ENTR1: variants seen among roughly 807,000 people sequenced by gnomAD.
The protein encoded by ENTR1 is endosome associated trafficking regulator 1.
In ENTR1, 47 loss-of-function variants were observed where a neutral mutation model predicts 47.9. The ratio of observed to expected loss-of-function variants is 0.98; its 90% CI spans 0.78 to 1.25. ENTR1 has a LOEUF of 1.25. Among genes scored for constraint, ENTR1 ranks in the 50% most tolerant of loss-of-function variants. ENTR1 has a pLI of 0.00. For synonymous variants in ENTR1, 290 were observed against 245.8 expected (o/e 1.18, Z -1.68); for missense variants, 668 against 570.5 (o/e 1.17, Z -1.74).
At chr9:136,408,403 C>T (rs946155353) in intron 3 of ENTR1, among the ~76,000 whole-genome samples, 1 of 152,020 alleles carries the variant, frequency 6.6e-6, no homozygotes, top group Admixed American at 6.6e-5. Context: ...ACGGTGAAAC[C>T]TCATCTCTAC....
At position 136,405,103 on chromosome 9, in the gene ENTR1, C is replaced by T; in HGVS notation, c.993G>A (p.Leu331=). 1.2e-6 allele frequency: 2 copies of T among 1,612,970 alleles called. No individual in the cohort carries two copies. Among genetic ancestry groups the T allele is most frequent in the Non-Finnish European group, 1.7e-6 (2 of 1,179,164 alleles). Residue 331 remains leucine, a synonymous_variant, in exon 7 of 10, where the codon CTG becomes CTA. Coordinates refer to ENST00000357365, the MANE Select transcript of ENTR1 (RefSeq NM_001039707.2). The part of the protein sequence containing the change: ...ESVVQQVEQN[L]ELMTKRAVKA... ...AAGAAACCCATACGGTCATCAGCTCCAGGTTCTGCTCCACCTGCTGAACCA... is the reference window on the plus strand; with the variant it reads ...AAGAAACCCATACGGTCATCAGCTCTAGGTTCTGCTCCACCTGCTGAACCA...
In ENTR1 at chr9:136,407,134, G is replaced by A; in HGVS notation, c.819+11C>T. ...GGCGCTGTGCCAGAGGGCGCCGTGA[G>A]GCTCACTTACTGCGTCGTAACTTAT... On this transcript the variant is annotated intron_variant, in intron 5 of 9. Transcript: ENST00000357365. The A allele has an allele frequency of 6.3e-7, 1 of 1,579,268 alleles. No individual in the cohort carries two copies. The highest frequency in any genetic ancestry group is 8.6e-7 in the Non-Finnish European group (1 of 1,158,074).
intron 7 of ENTR1, 85 bp downstream of exon 7, chr9:136,405,006 T>C: frequency 1.9e-6 from 2 of 1,064,502 alleles, no homozygotes; most frequent in South Asian, 1.3e-5. Flanking sequence ...AAGGGCAGGC[T>C]GCACCGGCTG....
chr9:136,402,730 G>A lies in ENTR1; in HGVS notation c.*58C>T. On this transcript the variant is annotated 3_prime_UTR_variant, in exon 10 of 10. Coordinates refer to ENST00000357365, the MANE Select transcript of ENTR1 (RefSeq NM_001039707.2). The stretch of plus-strand genomic sequence containing the variant: ...AAGGACACAACTGCACATTTAGATC[G>A]AGCGGTGGTGACCTCAGGGTATACA... 15 of 1,130,842 alleles carry A rather than the reference G, an allele frequency of 1.3e-5. No individual in the cohort carries two copies. The South Asian group carries it at 1.4e-4, about 10-fold the overall frequency. The allele number at this position is 1,130,842 out of a possible 1,614,324, so 70.1% of individuals were successfully genotyped here.
chr9:136,402,784 G>A lies in ENTR1; in HGVS notation c.*4C>T, dbSNP rs748623429. 5.0e-6 allele frequency: 8 copies of A among 1,603,958 alleles called. No homozygotes were observed. The highest frequency in any genetic ancestry group is 4.0e-5 in the African/African-American group (3 of 74,680). On this transcript the variant is annotated 3_prime_UTR_variant, in exon 10 of 10. Transcript: ENST00000357365. ...AGCTTCATGCTGAGAACACCCAGGG[G>A]TCCTCAAGAGTCTTCCTCCTCGTCT...
At chr9:136,407,085 T>G (rs1031176295) in intron 5 of ENTR1, 60 bp downstream of exon 5, 1 of 1,503,456 alleles carries the variant, frequency 6.7e-7, no homozygotes, top group East Asian at 2.3e-5. Context: ...CTCCAGGTTC[T>G]CCCCGGGAGA....
chr9:136,404,511 G>A (rs750930524), intron 8 of ENTR1, 120 bp downstream of exon 8: 5 of 1,089,070 alleles, frequency 4.6e-6, no homozygotes, highest in Non-Finnish European at 6.8e-6. Context: ...CTCATTTGAA[G>A]TCCTTTCTCT....
At position 136,407,313 on chromosome 9, in the gene ENTR1, G is replaced by C. The variant is rs1349019584; in HGVS notation, c.651C>G (p.Thr217=). ...PCSTYLSFFS[T]PSELAGPESL... is the part of the protein sequence containing the mutation. Reference sequence around the variant, plus strand: ...ACTCAGGCCCTGCCAGCTCCGACGGGGTGGAGAAAAAGGAAAGGTATGTGC... The same window carrying C: ...ACTCAGGCCCTGCCAGCTCCGACGGCGTGGAGAAAAAGGAAAGGTATGTGC... Residue 217 remains threonine, a synonymous_variant, in exon 5 of 10, where the codon ACC becomes ACG. Transcript: ENST00000357365. 1 of 1,611,582 alleles carries C rather than the reference G, an allele frequency of 6.2e-7. No individual in the cohort carries two copies.
intron 2 of ENTR1, among the ~76,000 whole-genome samples, chr9:136,409,489 A>C (rs1834970097): frequency 6.6e-6 from 1 of 152,134 alleles, no homozygotes; most frequent in Non-Finnish European, 1.5e-5. Flanking sequence ...TCAGCCGAGA[A>C]AACTTTAAAA....
intron 5 of ENTR1, 24 bp downstream of exon 5, chr9:136,407,121 G>A (rs533619179): frequency 6.4e-7 from 1 of 1,563,802 alleles, no homozygotes; most frequent in Non-Finnish European, 8.7e-7. Flanking sequence ...CGCTGTGCCA[G>A]AGGGCGCCGT....
chr9:136,407,813 G>A lies in ENTR1; in HGVS notation c.402+13C>T, dbSNP rs1295700446. The stretch of plus-strand genomic sequence containing the variant: ...GTCCCACAGAGCCATCGCCCACAGT[G>A]CCGTGGATTTACCTTTGCATAAATT... On this transcript the variant is annotated intron_variant, in intron 4 of 9. Transcript: ENST00000357365. 2 of 1,573,740 alleles carry A rather than the reference G, an allele frequency of 1.3e-6. No homozygotes were observed. The highest frequency in any genetic ancestry group is 2.2e-5 in the East Asian group (1 of 44,604).
chr9:136,408,584 C>A (rs1393813084), intron 3 of ENTR1, among the ~76,000 whole-genome samples: 1 of 150,364 alleles, frequency 6.7e-6, no homozygotes, highest in Non-Finnish European at 1.5e-5. Context: ...TCTCAAAAAA[C>A]AACAACAACA....
intron 6 of ENTR1, among the ~76,000 whole-genome samples, chr9:136,405,580 T>C (rs4295775): frequency 0.1 from 15,768 of 152,108 alleles, 1,038 homozygotes; most frequent in Admixed American, 0.18. Flanking sequence ...TCTACAAAAA[T>C]AAGATTTAAA....
intron 3 of ENTR1, 112 bp from the exon 4 acceptor site, chr9:136,408,050 C>T (rs972965201): frequency 1.2e-5 from 8 of 683,840 alleles, no homozygotes; most frequent in African/African-American, 1.1e-4. Context: ...CGGGCAGCCA[C>T]GCTTGTCATT....
At chr9:136,404,948 G>A in intron 7 of ENTR1, 143 bp downstream of exon 7, 3 of 717,024 alleles carry the variant, frequency 4.2e-6, no homozygotes, top group Non-Finnish European at 7.1e-6. Context: ...CAGCGAGACA[G>A]CGACGTCAAA....
At chr9:136,408,344 C>G (rs556687296) in intron 3 of ENTR1, among the ~76,000 whole-genome samples, 1 of 152,094 alleles carries the variant, frequency 6.6e-6, no homozygotes, top group Non-Finnish European at 1.5e-5. Flanking sequence ...TGTGGGAGGT[C>G]AAGGCGGGCG....
rs549540636 is a variant in ENTR1, at chr9:136,404,557, G to A, written c.1068+74C>T. On this transcript the variant is annotated intron_variant, in intron 8 of 9. Transcript: ENST00000357365. The stretch of plus-strand genomic sequence containing the variant: ...AGGGGAAACCCCAGCAGAGTCTTTC[G>A]CCTCTTTCTTACTGAATTCATTATG... 66 of 1,499,606 alleles carry A rather than the reference G, an allele frequency of 4.4e-5. No homozygotes were observed. The African/African-American group carries it at 4.8e-4, about 11-fold the overall frequency. The allele number at this position is 1,499,606 out of a possible 1,614,324, so 92.9% of individuals were successfully genotyped here.
rs534922614 is a variant in ENTR1, at chr9:136,410,430, G to C, written c.-33C>G. On this transcript the variant is annotated 5_prime_UTR_variant, in exon 1 of 10. Coordinates refer to ENST00000357365, the MANE Select transcript of ENTR1 (RefSeq NM_001039707.2). The stretch of plus-strand genomic sequence containing the variant: ...GGCCCGGCGGGGCACGACCTGCCTA[G>C]CCCGGCAGCGGCGGCTCCATGGCCC... The C allele has an allele frequency of 1.5e-4, 182 of 1,211,282 alleles. 2 individuals are homozygous for C. In the African/African-American group the frequency reaches 2.5e-3, roughly 16 times the overall value. 75.0% of individuals were successfully genotyped at this position (1,211,282 alleles called of 1,614,324 possible). A position where few individuals can be genotyped will look rare whatever the true frequency, so the allele number is the denominator to read the frequency against.
intron 5 of ENTR1, among the ~76,000 whole-genome samples, chr9:136,406,561 C>T (rs962658423): frequency 6.6e-6 from 1 of 152,018 alleles, no homozygotes; most frequent in East Asian, 1.9e-4. Flanking sequence ...ACCGCAACCT[C>T]CGCCTCCCGG....
Sources: gnomAD v4.1 joint callset for allele counts (sites outside exome capture counted in the v4.1 genomes callset) on GRCh38, gnomAD v4.1.1 for gene constraint, MANE v1.5 for transcripts, NCBI Gene and HGNC (gene_info 2026-07-23, HGNC 2026-07-21) for gene names.